Variants in HSD17B12 observed in about 807,000 individuals in gnomAD.
The protein encoded by HSD17B12 is very-long-chain 3-oxoacyl-CoA reductase.
HSD17B12 carries 32 observed loss-of-function variants against 39.3 expected under a neutral mutation model. That is an observed-to-expected ratio of 0.81 (90% CI 0.61 to 1.09). HSD17B12 has a LOEUF of 1.09. HSD17B12 is among the 50% of genes least tolerant of loss of function. The pLI, the probability that HSD17B12 is intolerant of heterozygous loss-of-function variation, is 0.00. For missense variants in HSD17B12, 342 were observed against 382.9 expected (o/e 0.89, Z 0.89); for synonymous variants, 150 against 146.7 (o/e 1.02, Z -0.16).
the HSD17B12 span, among the ~76,000 whole-genome samples, chr11:43,617,173 G>A: frequency 6.6e-6 from 1 of 151,982 alleles, no homozygotes; most frequent in African/African-American, 2.4e-5. Context: ...GTCTTTTGAT[G>A]GTCAAGTGAC....
the HSD17B12 span, among the ~76,000 whole-genome samples, chr11:43,663,939 T>A: frequency 1.3e-5 from 2 of 152,118 alleles, no homozygotes; most frequent in Non-Finnish European, 2.9e-5. Context: ...CTCAGCTCAC[T>A]GCAACCTCTG....
the HSD17B12 span, among the ~76,000 whole-genome samples, chr11:43,574,200 G>T: frequency 6.6e-6 from 1 of 152,164 alleles, no homozygotes; most frequent in Admixed American, 6.5e-5. Context: ...AATCTCTCAG[G>T]CAAGTTACAA....
chr11:43,658,394 T>A, the HSD17B12 span, among the ~76,000 whole-genome samples: 1 of 152,238 alleles, frequency 6.6e-6, no homozygotes, highest in African/African-American at 2.4e-5. Context: ...CCTCAACTTG[T>A]GAAAGTCATT....
At chr11:43,650,744 TGTA>T in the HSD17B12 span, among the ~76,000 whole-genome samples, 1 of 152,200 alleles carries the variant, frequency 6.6e-6, no homozygotes, top group African/African-American at 2.4e-5. Flanking sequence ...GATGCACACA[TGTA>T]GTACAGTAGT....
At chr11:43,774,165 T>G (rs1353777945) in intron 3 of HSD17B12, among the ~76,000 whole-genome samples, 3 of 152,132 alleles carry the variant, frequency 2.0e-5, no homozygotes, top group African/African-American at 7.2e-5. Flanking sequence ...CATTTTCCAA[T>G]TTTTTTAAAG....
intron 3 of HSD17B12, among the ~76,000 whole-genome samples, chr11:43,764,714 A>G (rs561793097): frequency 1.3e-5 from 2 of 152,110 alleles, no homozygotes; most frequent in South Asian, 4.1e-4. Context: ...TCTGAAATCT[A>G]CTTTGATGGA....
At chr11:43,789,939 A>T (rs1425925227) in intron 3 of HSD17B12, among the ~76,000 whole-genome samples, 1 of 152,066 alleles carries the variant, frequency 6.6e-6, no homozygotes, top group Non-Finnish European at 1.5e-5. Flanking sequence ...CCCACTGCCC[A>T]CTGCCTCCCC....
chr11:43,748,212 G>C (rs1950429449), intron 1 of HSD17B12, among the ~76,000 whole-genome samples: 1 of 152,124 alleles, frequency 6.6e-6, no homozygotes, highest in African/African-American at 2.4e-5. Context: ...AATTAGTCCA[G>C]GTGCCCATCA....
the HSD17B12 span, among the ~76,000 whole-genome samples, chr11:43,575,111 T>C: frequency 6.6e-6 from 1 of 152,232 alleles, no homozygotes; most frequent in East Asian, 1.9e-4. This position sits in a 1 kb window ranked among gnomAD's most constrained non-coding sequence, Gnocchi z 4.1. Context: ...GCTGGCCATT[T>C]GCAAAGGGTT....
chr11:43,630,862 T>C, the HSD17B12 span, among the ~76,000 whole-genome samples: 4 of 150,974 alleles, frequency 2.6e-5, no homozygotes, highest in East Asian at 2.0e-4. Flanking sequence ...TGGAGTGCAA[T>C]GGCACAATCT....
intron 9 of HSD17B12, among the ~76,000 whole-genome samples, chr11:43,840,700 G>A (rs538698760): frequency 7.9e-5 from 12 of 152,136 alleles, no homozygotes; most frequent in East Asian, 1.9e-4. Flanking sequence ...AGTATGTGTC[G>A]GAATTTTCTT....
rs56979348 is a variant in HSD17B12 at position 43,705,761 on chromosome 11, C to CT, written c.160+24799dup. On this transcript the variant is annotated intron_variant, in intron 1 of 10. Transcript: ENST00000278353. ...TAAATTTCTTTTTTTCCTCTCTCCT[C>CT]TTTTTTTTTTTTTTTTTTTTTTTTT... 2.1e-3 allele frequency among the ~76,000 whole-genome samples: 133 copies of CT among 62,448 alleles called. 2 individuals carry two copies. Among genetic ancestry groups the CT allele is most frequent in the African/African-American group, 8.6e-3 (125 of 14,570 alleles). The allele number at this position is 62,448 out of a possible 152,430, so 41.0% of individuals were successfully genotyped here.
chr11:43,591,615 TTAAAA>T, the HSD17B12 span, among the ~76,000 whole-genome samples: 2 of 152,158 alleles, frequency 1.3e-5, no homozygotes, highest in African/African-American at 2.4e-5. Flanking sequence ...GGAAAACCTG[TTAAAA>T]TAAACTATAT....
the HSD17B12 span, among the ~76,000 whole-genome samples, chr11:43,652,484 A>G: frequency 2.2e-3 from 342 of 152,224 alleles, 2 homozygotes; most frequent in African/African-American, 7.8e-3. Context: ...ACCTGGAGAT[A>G]GCCTCAGATT....
chr11:43,740,402 G>A (rs1950353483), intron 1 of HSD17B12, among the ~76,000 whole-genome samples: 2 of 151,962 alleles, frequency 1.3e-5, no homozygotes, highest in African/African-American at 2.4e-5. Context: ...TTACTTTTCC[G>A]GGCCTATCAT....
intron 3 of HSD17B12, among the ~76,000 whole-genome samples, chr11:43,794,952 CA>C (rs1366755271): frequency 6.6e-6 from 1 of 152,082 alleles, no homozygotes; most frequent in African/African-American, 2.4e-5. Flanking sequence ...AGTACTACTC[CA>C]AAAACTTTGG....
intron 1 of HSD17B12, among the ~76,000 whole-genome samples, chr11:43,698,941 A>AT (rs1949937689): frequency 6.6e-6 from 1 of 152,208 alleles, no homozygotes; most frequent in Non-Finnish European, 1.5e-5. Context: ...CCTAAAACAG[A>AT]TTTTTTAAAG....
chr11:43,680,174 C>CAG (rs3048094), upstream of HSD17B12, among the ~76,000 whole-genome samples: 1 of 151,424 alleles, frequency 6.6e-6, no homozygotes, highest in South Asian at 2.1e-4. Context: ...CTCCCGGGTT[C>CAG]GTGATTCTCC....
In HSD17B12 at chr11:43,714,369, A is replaced by C. The variant is rs571775143; in HGVS notation, c.160+33382A>C. On this transcript the variant is annotated intron_variant, in intron 1 of 10. Coordinates refer to ENST00000278353, the MANE Select transcript of HSD17B12 (RefSeq NM_016142.3). ...CTAGCCAGTTTTCCCAGCACCATTT[A>C]TTAAATAGGAAATCCTTTCCCCATT... 2.0e-5 allele frequency among the ~76,000 whole-genome samples: 3 copies of C among 152,316 alleles called. No homozygotes were observed. In the East Asian group the frequency reaches 5.8e-4, roughly 29 times the overall value.
Sources: gnomAD v4.1 joint callset for allele counts (sites outside exome capture counted in the v4.1 genomes callset) on GRCh38, gnomAD v4.1.1 for gene constraint, Gnocchi (gnomAD v3.1) non-coding constraint, MANE v1.5 for transcripts, NCBI Gene and HGNC (gene_info 2026-07-23, HGNC 2026-07-21) for gene names.